PLCB1: variants seen among roughly 807,000 people sequenced by gnomAD.
PLCB1 encodes the protein phospholipase C beta 1.
PLCB1 carries 46 observed loss-of-function variants against 161.8 expected under a neutral mutation model. That is an observed-to-expected ratio of 0.28 (90% confidence interval 0.22 to 0.36). The LOEUF is 0.36. Among genes scored for constraint, PLCB1 ranks in the 10% least tolerant of loss-of-function variants. The pLI is 1.00. For missense variants in PLCB1, 1,016 were observed against 1,472.5 expected, an observed-to-expected ratio of 0.69 and a Z score of 5.07; for synonymous variants, 517 against 503.7, an observed-to-expected ratio of 1.03 and a Z score of -0.35.
intron 3 of PLCB1, among the ~76,000 whole-genome samples, chr20:8,541,324 G>A (rs1424965286): frequency 6.6e-6 from 1 of 152,164 alleles, no homozygotes; most frequent in Non-Finnish European, 1.5e-5. Flanking sequence ...ACAGGCAGAA[G>A]AGAGCCTTTG....
chr20:8,221,860 C>T (rs558616220), intron 2 of PLCB1, among the ~76,000 whole-genome samples: 1 of 152,254 alleles, frequency 6.6e-6, no homozygotes, highest in African/African-American at 2.4e-5. Flanking sequence ...ACTCCTCAAA[C>T]ATCTCTTTGC....
At position 8,333,550 on chromosome 20, in the gene PLCB1, G is replaced by T. The variant is rs143028447; in HGVS notation, c.178-37832G>T. On this transcript the variant is annotated intron_variant, in intron 2 of 31. Transcript: ENST00000338037. ...TTGGCAATGTTGGGAGACATTTTTG[G>T]TGGTCACAACTTATGAGAGGTTGCT... is the stretch of plus-strand genomic sequence containing the variant. Among the ~76,000 whole-genome samples the T allele has an allele frequency of 5.7e-3, 873 of 152,218 alleles. 6 individuals are homozygous for T. Among genetic ancestry groups the T allele is most frequent in the African/African-American group, 0.019 (798 of 41,516 alleles).
At chr20:8,523,488 C>CCATATATATATA (rs1984443364) in intron 3 of PLCB1, among the ~76,000 whole-genome samples, 1 of 59,376 alleles carries the variant, frequency 1.7e-5, no homozygotes, top group Non-Finnish European at 3.3e-5. Flanking sequence ...CTCTCTCTCT[C>CCATATATATATA]TCTCTCTCTA....
chr20:8,700,804 G>T (rs188804158), intron 11 of PLCB1, among the ~76,000 whole-genome samples: 3 of 152,180 alleles, frequency 2.0e-5, no homozygotes, highest in Admixed American at 2.0e-4. Flanking sequence ...ATCCCAGTTG[G>T]TTTTTCCAGC....
At chr20:8,750,933 CT>C (rs769913295) in intron 23 of PLCB1, 15,978 of 407,404 alleles carry the variant, frequency 0.039, 8 homozygotes, top group Middle Eastern at 0.048. Context: ...GAACTGCACT[CT>C]TTTTTTTTTT....
chr20:8,811,346 G>A (rs1172618693), intron 31 of PLCB1, among the ~76,000 whole-genome samples: 1 of 152,182 alleles, frequency 6.6e-6, no homozygotes, highest in African/African-American at 2.4e-5. Flanking sequence ...GAGGAAATAG[G>A]AGGGAAAATC....
At chr20:8,570,491 C>T (rs958334785) in intron 3 of PLCB1, among the ~76,000 whole-genome samples, 1 of 152,164 alleles carries the variant, frequency 6.6e-6, no homozygotes, top group Admixed American at 6.6e-5. Flanking sequence ...CACAACTGCA[C>T]TTACCACGCT....
At chr20:8,280,227 T>C (rs1311208708) in intron 2 of PLCB1, among the ~76,000 whole-genome samples, 1 of 151,742 alleles carries the variant, frequency 6.6e-6, no homozygotes, top group Non-Finnish European at 1.5e-5. Flanking sequence ...TCCCAGCTAC[T>C]TGGGAGGCTG....
At chr20:8,503,691 T>A (rs1057086916) in intron 3 of PLCB1, among the ~76,000 whole-genome samples, 21 of 152,256 alleles carry the variant, frequency 1.4e-4, no homozygotes, top group African/African-American at 3.6e-4. Context: ...GATTTTTTTT[T>A]AAAATAAGTG....
intron 25 of PLCB1, among the ~76,000 whole-genome samples, chr20:8,763,275 C>T (rs994866338): frequency 1.3e-5 from 2 of 152,224 alleles, no homozygotes; most frequent in African/African-American, 4.8e-5. Context: ...GATCGCGGCT[C>T]ATTGAAACCT....
At chr20:8,136,992 T>C (rs2051356342) in intron 1 of PLCB1, among the ~76,000 whole-genome samples, 1 of 152,220 alleles carries the variant, frequency 6.6e-6, no homozygotes, top group African/African-American at 2.4e-5. Context: ...CTTACAAGCA[T>C]ATTCTAACAT....
intron 2 of PLCB1, among the ~76,000 whole-genome samples, chr20:8,266,279 C>T (rs540697135): frequency 1.3e-5 from 2 of 152,264 alleles, no homozygotes; most frequent in African/African-American, 2.4e-5. Flanking sequence ...TCTGTATTAG[C>T]TTGTTGGTTT....
At chr20:8,306,016 T>C (rs1984119672) in intron 2 of PLCB1, 1 of 152,168 alleles carries the variant, frequency 6.6e-6, no homozygotes, top group Admixed American at 6.5e-5. Flanking sequence ...GAAATGGGCT[T>C]CGGAAGCATA....
intron 3 of PLCB1, among the ~76,000 whole-genome samples, chr20:8,544,030 G>T (rs1313310941): frequency 6.6e-6 from 1 of 152,112 alleles, no homozygotes; most frequent in East Asian, 1.9e-4. Flanking sequence ...CTTAAATTGT[G>T]TAAAAGAAAT....
intron 2 of PLCB1, among the ~76,000 whole-genome samples, chr20:8,358,631 A>C (rs1257897937): frequency 2.0e-5 from 3 of 152,112 alleles, no homozygotes; most frequent in African/African-American, 7.2e-5. Context: ...TATTTTTGAT[A>C]TGTAACAGAA....
At chr20:8,865,363 T>A (rs1324078519) in intron 31 of PLCB1, among the ~76,000 whole-genome samples, 1 of 152,210 alleles carries the variant, frequency 6.6e-6, no homozygotes, top group South Asian at 2.1e-4. Flanking sequence ...GCCATCCTTA[T>A]GGCATAAACA....
intron 2 of PLCB1, among the ~76,000 whole-genome samples, chr20:8,331,348 AG>A (rs1985356167): frequency 1.3e-5 from 2 of 148,466 alleles, no homozygotes; most frequent in South Asian, 2.1e-4. Flanking sequence ...ATACGTGTGA[AG>A]TTTTTTTTTT....
At chr20:8,220,469 A>T in intron 2 of PLCB1, among the ~76,000 whole-genome samples, 1 of 152,316 alleles carries the variant, frequency 6.6e-6, no homozygotes. Context: ...AGATGAGGTT[A>T]TATTGGATCA....
chr20:8,276,581 CTCCTTAAAT>C (rs1206994761), intron 2 of PLCB1, among the ~76,000 whole-genome samples: 5 of 152,164 alleles, frequency 3.3e-5, no homozygotes, highest in African/African-American at 1.2e-4. Flanking sequence ...ACACTGTTAA[CTCCTTAAAT>C]GAGATTTTTG....
Sources: gnomAD v4.1 joint callset for allele counts (sites outside exome capture counted in the v4.1 genomes callset) on GRCh38, gnomAD v4.1.1 for gene constraint, MANE v1.5 for transcripts, NCBI Gene and HGNC (gene_info 2026-07-23, HGNC 2026-07-21) for gene names.